Variants in COL16A1 observed in about 807,000 individuals in gnomAD.
COL16A1 encodes the protein collagen alpha-1(XVI) chain.
COL16A1 carries 189 observed loss-of-function variants against 266.3 expected under a neutral mutation model. The observed-to-expected ratio is 0.71, with a 90% CI of 0.63 to 0.80. The LOEUF (loss-of-function observed/expected upper bound fraction) is 0.80, where lower values mean the gene tolerates loss of function less well. Ranked by LOEUF, COL16A1 falls within the 30% of genes least tolerant of loss-of-function variation. COL16A1 has a pLI of 0.00. For synonymous variants in COL16A1, 740 were observed against 782.3 expected (o/e 0.95, Z 0.90); for missense variants, 1,928 against 2,122.4 (o/e 0.91, Z 1.80).
chr1:31,676,452 T>C (rs1643194283), intron 42 of COL16A1, among the ~76,000 whole-genome samples: 1 of 152,070 alleles, frequency 6.6e-6, no homozygotes, highest in Non-Finnish European at 1.5e-5. Context: ...ACCACAATTC[T>C]AGCATCATTC....
Position 31,691,411 on chromosome 1 carries a change from A to G in COL16A1, c.1398+6T>C. 1 of 1,607,886 alleles carries G rather than the reference A, an allele frequency of 6.2e-7. No homozygotes were observed. Among genetic ancestry groups the G allele is most frequent in the South Asian group, 1.1e-5 (1 of 90,460 alleles). ...AGCACAGCAGGAGAAGCAAGGGGGT[A>G]CTCACCGGGGTCCCAGGCAGTCCTA... On this transcript the variant is annotated splice_donor_region_variant and intron_variant, in intron 19 of 70. Coordinates refer to ENST00000373672, the MANE Select transcript of COL16A1 (RefSeq NM_001856.4).
chr1:31,686,366 C>A (rs752447116), intron 26 of COL16A1, 87 bp from the exon 27 acceptor site: 1 of 1,557,174 alleles, frequency 6.4e-7, no homozygotes, highest in South Asian at 1.1e-5. Flanking sequence ...TAAAAGCAAC[C>A]CCTTCAGATG....
rs560412506 is a variant in COL16A1 at position 31,690,658 on chromosome 1, G to C, written c.1438-85C>G. 41 of 1,548,618 alleles carry C rather than the reference G, an allele frequency of 2.6e-5. No individual in the cohort carries two copies. In the African/African-American group the frequency reaches 5.2e-4, roughly 20 times the overall value. Reference sequence around the variant, plus strand: ...CCCCCTTCCCCACCCGTGCCCCTCTGTGATGGCAGAACAATCGTTGCCAAA... The same window carrying C: ...CCCCCTTCCCCACCCGTGCCCCTCTCTGATGGCAGAACAATCGTTGCCAAA... On this transcript the variant is annotated intron_variant, in intron 20 of 70. Coordinates refer to ENST00000373672, the MANE Select transcript of COL16A1 (RefSeq NM_001856.4).
intron 26 of COL16A1, among the ~76,000 whole-genome samples, chr1:31,687,564 G>A (rs1198886065): frequency 6.6e-6 from 1 of 151,704 alleles, no homozygotes; most frequent in African/African-American, 2.4e-5. Context: ...TGGGCGTGGA[G>A]AGAAGTGGAG....
chr1:31,667,701 G>A, intron 51 of COL16A1, 73 bp from the exon 52 acceptor site: 4 of 1,409,222 alleles, frequency 2.8e-6, no homozygotes, highest in Non-Finnish European at 3.9e-6. Flanking sequence ...GCGAGGAGCG[G>A]AGACTGCAGC....
In COL16A1 at chr1:31,668,782, C is replaced by T. The variant is rs1200107088; in HGVS notation, c.3249+20G>A. 1.2e-6 allele frequency: 2 copies of T among 1,613,826 alleles called. No individual in the cohort carries two copies. Among genetic ancestry groups the T allele is most frequent in the East Asian group, 4.5e-5 (2 of 44,848 alleles). ...TCCTCCCTTTCCAGCCCTTTCCAGC[C>T]CCTGCCAGCTTCTTCTTACCGGCTC... On this transcript the variant is annotated intron_variant, in intron 50 of 70. Coordinates refer to ENST00000373672, the MANE Select transcript of COL16A1 (RefSeq NM_001856.4). This position sits in a 1 kb window ranked among gnomAD's most constrained non-coding sequence, Gnocchi z 5.8.
intron 37 of COL16A1, among the ~76,000 whole-genome samples, chr1:31,681,334 C>T (rs764121199): frequency 6.6e-6 from 1 of 152,224 alleles, no homozygotes; most frequent in Admixed American, 6.5e-5. Context: ...CCCGGCAGGA[C>T]GGTATTGTTC....
At position 31,656,142 on chromosome 1, in the gene COL16A1, G is replaced by T; in HGVS notation, c.4101+258C>A. On this transcript the variant is annotated intron_variant, in intron 66 of 70. Coordinates refer to ENST00000373672, the MANE Select transcript of COL16A1 (RefSeq NM_001856.4). The surrounding 1 kb of genome is among the most constrained non-coding windows in gnomAD (Gnocchi z 4.2). ...CTGGAATGTGAGCAGGAGCAAGGGA[G>T]TGCTCGGGAAATGGAAACAATGAAT... The T allele has an allele frequency of 1.7e-6, 1 of 585,610 alleles. No individual in the cohort carries two copies. The highest frequency in any genetic ancestry group is 3.0e-6 in the Non-Finnish European group (1 of 338,484). 36.3% of individuals were successfully genotyped at this position (585,610 alleles called of 1,614,324 possible). A position where few individuals can be genotyped will look rare whatever the true frequency, so the allele number is the denominator to read the frequency against.
At position 31,662,575 on chromosome 1, in the gene COL16A1, GCA is replaced by G. The variant is rs917231111; in HGVS notation, c.3627+10_3627+11del. 2 of 1,563,448 alleles carry G rather than the reference GCA, an allele frequency of 1.3e-6. No homozygotes were observed. The highest frequency in any genetic ancestry group is 2.7e-5 in the African/African-American group (2 of 73,720). On this transcript the variant is annotated intron_variant, in intron 57 of 70. Transcript: ENST00000373672. ...CGCACACGTCTGCCACGCTGAAAGGGCACACACTCACCTGAATCCCAGGAGGT... is the reference window on the plus strand; with the variant it reads ...CGCACACGTCTGCCACGCTGAAAGGGCACACTCACCTGAATCCCAGGAGGT...
intron 43 of COL16A1, 109 bp downstream of exon 43, chr1:31,675,149 G>T (rs1643075868): frequency 1.9e-6 from 3 of 1,609,738 alleles, no homozygotes; most frequent in Admixed American, 3.4e-5. Flanking sequence ...CCTCAGAAGT[G>T]GGAGAGAAGA....
intron 12 of COL16A1, 195 bp from the exon 13 acceptor site, chr1:31,693,349 A>C: frequency 1.7e-6 from 1 of 596,340 alleles, no homozygotes; most frequent in Non-Finnish European, 3.0e-6. Flanking sequence ...CTGTTCATCC[A>C]CATGCCCTCC....
chr1:31,670,578 G>T lies in COL16A1; in HGVS notation c.3195+24C>A. 7.3e-7 allele frequency: 1 copy of T among 1,370,216 alleles called. No individual in the cohort carries two copies. The highest frequency in any genetic ancestry group is 9.5e-7 in the Non-Finnish European group (1 of 1,057,704). 84.9% of individuals were successfully genotyped at this position (1,370,216 alleles called of 1,614,324 possible). On this transcript the variant is annotated intron_variant, in intron 49 of 70. Coordinates refer to ENST00000373672, the MANE Select transcript of COL16A1 (RefSeq NM_001856.4). The surrounding 1 kb of genome is among the most constrained non-coding windows in gnomAD (Gnocchi z 4.5). ...GACCTGGCTGACGGGGGGGAGGGGA[G>T]GTCGAGCAGCGCTAGGTTCTTACAG...
intron 67 of COL16A1, 116 bp from the exon 68 acceptor site, chr1:31,654,974 T>TA: frequency 4.4e-6 from 2 of 451,002 alleles, no homozygotes; most frequent in Non-Finnish European, 5.8e-6. Flanking sequence ...ACAGATTCTT[T>TA]TTTTTTTTTT....
Position 31,688,897 on chromosome 1 carries a change from A to G in COL16A1, c.1731T>C (p.Asp577=). 1 of 1,614,072 alleles carries G rather than the reference A, an allele frequency of 6.2e-7. No homozygotes were observed. Among genetic ancestry groups the G allele is most frequent in the Non-Finnish European group, 8.5e-7 (1 of 1,179,962 alleles). ...HLVSSTGASG[D]VGSPGFGLPG... Reference sequence around the variant, plus strand: ...GCAGACCAAAGCCAGGGGAACCCACATCTCCACTGGCCCCTGTGGAGGACA... The same window carrying G: ...GCAGACCAAAGCCAGGGGAACCCACGTCTCCACTGGCCCCTGTGGAGGACA... The change falls in exon 25 of 71, where the codon GAT becomes GAC. Residue 577 remains aspartate (D), a synonymous_variant. Coordinates refer to ENST00000373672, the MANE Select transcript of COL16A1 (RefSeq NM_001856.4). This position sits in a 1 kb window ranked among gnomAD's most constrained non-coding sequence, Gnocchi z 4.9.
In COL16A1 at chr1:31,685,213, C is replaced by T. The variant is rs957120206; in HGVS notation, c.2017-357G>A. Among the ~76,000 whole-genome samples, 1 of 152,218 alleles carries T rather than the reference C, an allele frequency of 6.6e-6. No homozygotes were observed. The highest frequency in any genetic ancestry group is 1.5e-5 in the Non-Finnish European group (1 of 68,040). On this transcript the variant is annotated intron_variant, in intron 29 of 70. Transcript: ENST00000373672. This position sits in a 1 kb window ranked among gnomAD's most constrained non-coding sequence, Gnocchi z 4.0. ...TCCACTGTGGTAGTGCTGGCCGTTA[C>T]TGTGAAAGCAGTAACAGTGATAATA... is the stretch of plus-strand genomic sequence containing the variant.
rs1479471932 is a variant in COL16A1 at position 31,685,229 on chromosome 1, A to G, written c.2017-373T>C. Among the ~76,000 whole-genome samples the G allele has an allele frequency of 6.6e-6, 1 of 152,198 alleles. No individual in the cohort carries two copies. The highest frequency in any genetic ancestry group is 1.5e-5 in the Non-Finnish European group (1 of 68,040). On this transcript the variant is annotated intron_variant, in intron 29 of 70. Transcript: ENST00000373672. The surrounding 1 kb of genome is among the most constrained non-coding windows in gnomAD (Gnocchi z 4.0). ...TGGCCGTTACTGTGAAAGCAGTAACAGTGATAATAACCACAGTGGTAACTG... is the reference window on the plus strand; with the variant it reads ...TGGCCGTTACTGTGAAAGCAGTAACGGTGATAATAACCACAGTGGTAACTG...
Position 31,654,878 on chromosome 1 carries a change from C to A in COL16A1, c.4291-20G>T. ...GTCTCCCTGAAGAAAGAGAAGAAAA[C>A]CTGCCTCAATTATACTTCCAAGCCT... On this transcript the variant is annotated intron_variant, in intron 67 of 70. Transcript: ENST00000373672. The A allele has an allele frequency of 1.2e-6, 2 of 1,612,862 alleles. No homozygotes were observed. The highest frequency in any genetic ancestry group is 8.5e-7 in the Non-Finnish European group (1 of 1,179,456).
Position 31,658,493 on chromosome 1 carries a change from G to A in COL16A1, c.4015C>T (p.Pro1339Ser). 5.0e-6 allele frequency: 8 copies of A among 1,600,172 alleles called. No individual in the cohort carries two copies. Among genetic ancestry groups the A allele is most frequent in the Non-Finnish European group, 5.1e-6 (6 of 1,174,174 alleles). The change falls in exon 64 of 71, where the codon CCC (proline) becomes TCC (serine). Residue 1339 changes from proline to serine, a missense_variant. By Grantham distance (74) the Pro-to-Ser change is moderately conservative (BLOSUM62 -1). Coordinates refer to ENST00000373672, the MANE Select transcript of COL16A1 (RefSeq NM_001856.4). ...GQPGPPGHPG[P>S]PGEPGTDGAA... ...TGTAGAATGTGGGATCTTACTGGGG[G>A]GCCAGGGTGTCCAGGGGGGCCGGGC...
intron 66 of COL16A1, 57 bp from the exon 67 acceptor site, chr1:31,655,559 G>T (rs1641061786): frequency 6.3e-7 from 1 of 1,596,568 alleles, no homozygotes; most frequent in African/African-American, 1.3e-5. Flanking sequence ...TCACCAATCT[G>T]CTCTTTTCTC....
Sources: gnomAD v4.1 joint callset for allele counts (sites outside exome capture counted in the v4.1 genomes callset) on GRCh38, gnomAD v4.1.1 for gene constraint, Gnocchi (gnomAD v3.1) non-coding constraint, MANE v1.5 for transcripts, NCBI Gene and HGNC (gene_info 2026-07-23, HGNC 2026-07-21) for gene names.